Variants in LEPROTL1 observed in about 807,000 individuals in gnomAD.
LEPROTL1 encodes leptin receptor overlapping transcript-like 1.
Under a neutral mutation model 15.4 loss-of-function variants are expected in LEPROTL1, and 6 were observed. The ratio of observed to expected loss-of-function variants is 0.39; its 90% confidence interval spans 0.21 to 0.77. LEPROTL1 has a LOEUF of 0.77. LEPROTL1 is among the 30% of genes least tolerant of loss of function. The probability of loss-of-function intolerance (pLI) is 0.41; values close to 1 mark genes in which losing one functional copy is unlikely to be tolerated. For synonymous variants in LEPROTL1, 56 were observed against 52.6 expected (o/e 1.06, Z -0.28); for missense variants, 128 against 158.1 (o/e 0.81, Z 1.02).
intron 3 of LEPROTL1, chr8:30,132,233 G>A: frequency 1.9e-6 from 3 of 1,551,864 alleles, no homozygotes; most frequent in Non-Finnish European, 2.6e-6. Context: ...CCTGGATGGA[G>A]TCCATGCCAC....
intron 3 of LEPROTL1, among the ~76,000 whole-genome samples, chr8:30,127,866 G>A (rs924378452): frequency 3.3e-5 from 5 of 152,042 alleles, no homozygotes; most frequent in Middle Eastern, 3.4e-3. Flanking sequence ...CAGAAGGTTA[G>A]TGATTGAATT....
rs1489182103 is a variant in LEPROTL1, at chr8:30,095,463, C to G, written c.-50C>G. 6.8e-7 allele frequency: 1 copy of G among 1,464,866 alleles called. No homozygotes were observed. Among genetic ancestry groups the G allele is most frequent in the African/African-American group, 1.5e-5 (1 of 68,054 alleles). 90.7% of individuals were successfully genotyped at this position (1,464,866 alleles called of 1,614,324 possible). A position where few individuals can be genotyped will look rare whatever the true frequency, so the allele number is the denominator to read the frequency against. ...CGCGTCTTGGGTCTCCCGGCTGCCGCTGCTGCCGCCGCCGCCTCGGGTCGT... is the reference window on the plus strand; with the variant it reads ...CGCGTCTTGGGTCTCCCGGCTGCCGGTGCTGCCGCCGCCGCCTCGGGTCGT... On this transcript the variant is annotated 5_prime_UTR_variant, in exon 1 of 4. Transcript: ENST00000321250.
At chr8:30,133,913 G>C (rs1803083604) in intron 4 of LEPROTL1, among the ~76,000 whole-genome samples, 1 of 152,048 alleles carries the variant, frequency 6.6e-6, no homozygotes, top group African/African-American at 2.4e-5. Flanking sequence ...CTCAATGCTT[G>C]TATGTCTGAT....
At chr8:30,123,071 T>G (rs1205992429) in intron 3 of LEPROTL1, among the ~76,000 whole-genome samples, 8 of 152,164 alleles carry the variant, frequency 5.3e-5, no homozygotes, top group Non-Finnish European at 8.8e-5. Context: ...GTGCTGGATG[T>G]CTAAATGGGA....
intron 3 of LEPROTL1, among the ~76,000 whole-genome samples, chr8:30,121,875 A>AG: frequency 6.6e-6 from 1 of 150,932 alleles, no homozygotes; most frequent in East Asian, 2.0e-4. Flanking sequence ...TTATCTTTAA[A>AG]AAAAAATTAG....
At chr8:30,129,711 TCACACACACACACACACACA>T (rs35105107) in intron 3 of LEPROTL1, among the ~76,000 whole-genome samples, 19 of 128,300 alleles carry the variant, frequency 1.5e-4, no homozygotes, top group African/African-American at 3.7e-4. Flanking sequence ...TGAGACCCTG[TCACACACACACACACACACA>T]CACACACACA....
intron 4 of LEPROTL1, among the ~76,000 whole-genome samples, chr8:30,134,445 A>C (rs184767995): frequency 5.2e-4 from 79 of 152,058 alleles, no homozygotes; most frequent in Middle Eastern, 6.8e-3. Context: ...AAAAAAAAAA[A>C]CAAAAAAAAA....
At chr8:30,128,701 G>A (rs989958784) in intron 3 of LEPROTL1, among the ~76,000 whole-genome samples, 4 of 151,030 alleles carry the variant, frequency 2.6e-5, no homozygotes, top group South Asian at 4.2e-4. Flanking sequence ...GCAGTGAGCC[G>A]AGATCATGCC....
intron 1 of LEPROTL1, among the ~76,000 whole-genome samples, chr8:30,099,998 G>T (rs1802437363): frequency 1.3e-5 from 2 of 152,306 alleles, no homozygotes; most frequent in Middle Eastern, 3.4e-3. Flanking sequence ...TAAATTCAGT[G>T]TTTTCCTTAC....
At chr8:30,130,150 G>A (rs941073835) in intron 3 of LEPROTL1, among the ~76,000 whole-genome samples, 31 of 152,124 alleles carry the variant, frequency 2.0e-4, no homozygotes, top group African/African-American at 7.0e-4. Context: ...GATTGGTTTG[G>A]AATACTCAAC....
intron 3 of LEPROTL1, among the ~76,000 whole-genome samples, chr8:30,113,699 G>A (rs1316569470): frequency 1.3e-5 from 2 of 152,140 alleles, no homozygotes; most frequent in East Asian, 1.9e-4. Flanking sequence ...AGCAGCCACC[G>A]GGCCCTCTGC....
At chr8:30,121,275 T>A (rs1802825829) in intron 3 of LEPROTL1, among the ~76,000 whole-genome samples, 1 of 152,022 alleles carries the variant, frequency 6.6e-6, no homozygotes, top group Admixed American at 6.6e-5. Context: ...TTTTTTGAGA[T>A]GGACTCTCAC....
chr8:30,107,762 C>T lies in LEPROTL1; in HGVS notation c.*1900C>T. 1 of 892,604 alleles carries T rather than the reference C, an allele frequency of 1.1e-6. No homozygotes were observed. The highest frequency in any genetic ancestry group is 1.2e-4 in the East Asian group (1 of 8,384). 55.3% of individuals were successfully genotyped at this position (892,604 alleles called of 1,614,324 possible). On this transcript the variant is annotated 3_prime_UTR_variant, in exon 4 of 4. Coordinates refer to ENST00000321250, the MANE Select transcript of LEPROTL1 (RefSeq NM_015344.3). Reference sequence around the variant, plus strand: ...TTGTGATCTACTGGACTTTTTTTTGCAGGAAGTGCATTCTCTGGTCCTTCC... The same window carrying T: ...TTGTGATCTACTGGACTTTTTTTTGTAGGAAGTGCATTCTCTGGTCCTTCC...
intron 1 of LEPROTL1, among the ~76,000 whole-genome samples, chr8:30,100,210 T>C (rs1297989069): frequency 6.8e-6 from 1 of 147,480 alleles, no homozygotes; most frequent in Non-Finnish European, 1.5e-5. Flanking sequence ...ATTATGACTG[T>C]TTTAGTTGTG....
chr8:30,104,256 A>G (rs1802519644), intron 2 of LEPROTL1, 44 bp from the exon 3 acceptor site: 20 of 1,236,944 alleles, frequency 1.6e-5, no homozygotes, highest in Non-Finnish European at 2.2e-5. Context: ...TGTGTAGGAA[A>G]ATGACATAGC....
chr8:30,131,541 T>C (rs1171048226), intron 3 of LEPROTL1, among the ~76,000 whole-genome samples: 2 of 152,062 alleles, frequency 1.3e-5, no homozygotes, highest in Non-Finnish European at 2.9e-5. Flanking sequence ...TGATAATGAG[T>C]TAGGTTTTGT....
downstream of LEPROTL1, among the ~76,000 whole-genome samples, chr8:30,111,997 T>C (rs892426415): frequency 6.6e-5 from 10 of 152,102 alleles, no homozygotes; most frequent in Admixed American, 3.3e-4. Context: ...TGCTGATGAG[T>C]TGTGTGGAAG....
At chr8:30,121,443 G>A (rs965081701) in intron 3 of LEPROTL1, among the ~76,000 whole-genome samples, 2 of 151,938 alleles carry the variant, frequency 1.3e-5, no homozygotes, top group African/African-American at 4.8e-5. Flanking sequence ...CAGTCGAGAT[G>A]GGTTTTCGCC....
At position 30,104,334 on chromosome 8, in the gene LEPROTL1, A is replaced by G. The variant is rs751223320; in HGVS notation, c.127A>G (p.Ile43Val). 6.4e-7 allele frequency: 1 copy of G among 1,556,232 alleles called. No individual in the cohort carries two copies. Among genetic ancestry groups the G allele is most frequent in the South Asian group, 1.2e-5 (1 of 80,014 alleles). The part of the protein sequence containing the change: ...YWPLFVLFFY[I>V]LSPIPYCIAR... ...GCCCCTCTTTGTTCTATTTTTTTAC[A>G]TCCTTTCACCTATTCCATACTGCAT... The change falls in exon 3 of 4, where the codon ATC becomes GTC. Residue 43 changes from isoleucine (I) to valine (V), a missense_variant. By Grantham distance (29) the Ile-to-Val change is conservative. Coordinates refer to ENST00000321250, the MANE Select transcript of LEPROTL1 (RefSeq NM_015344.3).
Sources: allele counts gnomAD v4.1 joint callset (sites outside exome capture counted in the v4.1 genomes callset), GRCh38; gene constraint gnomAD v4.1.1; transcripts MANE v1.5; gene names NCBI Gene and HGNC (gene_info 2026-07-23, HGNC 2026-07-21).